CSTPP1: variants seen among roughly 807,000 people sequenced by gnomAD.
The protein encoded by CSTPP1 is UPF0705 protein C11orf49.
chr11:47,083,568 T>C, the CSTPP1 span, among the ~76,000 whole-genome samples: 23 of 152,248 alleles, frequency 1.5e-4, no homozygotes, highest in Non-Finnish European at 2.9e-4. Flanking sequence ...TAACAGTTTA[T>C]GAGGGTTACA....
chr11:46,948,738 C>A, the CSTPP1 span, among the ~76,000 whole-genome samples: 1 of 152,160 alleles, frequency 6.6e-6, no homozygotes, highest in Non-Finnish European at 1.5e-5. Context: ...CCCTTGGGCA[C>A]CTAGACGAAA....
the CSTPP1 span, among the ~76,000 whole-genome samples, chr11:47,040,349 T>C: frequency 1.6e-5 from 2 of 127,364 alleles, 1 homozygote; most frequent in Non-Finnish European, 3.7e-5. Flanking sequence ...TAAGATCATT[T>C]TATGAAGAGC....
chr11:47,118,889 C>A, the CSTPP1 span, among the ~76,000 whole-genome samples: 1 of 152,228 alleles, frequency 6.6e-6, no homozygotes, highest in African/African-American at 2.4e-5. Flanking sequence ...TGGGAGGTGT[C>A]TCCCAATTAG....
chr11:47,111,199 T>C, the CSTPP1 span, among the ~76,000 whole-genome samples: 1 of 151,998 alleles, frequency 6.6e-6, no homozygotes, highest in Admixed American at 6.6e-5. Flanking sequence ...TCCTCAAGAG[T>C]CCTTCACCCA....
At chr11:47,042,343 CTG>C in the CSTPP1 span, among the ~76,000 whole-genome samples, 3 of 118,720 alleles carry the variant, frequency 2.5e-5, no homozygotes, top group African/African-American at 8.3e-5. Flanking sequence ...ACTTTGACTT[CTG>C]TTTTTTTTTT....
chr11:47,163,325 GTCTAACTCTA>G, the CSTPP1 span, among the ~76,000 whole-genome samples: 2 of 152,176 alleles, frequency 1.3e-5, no homozygotes. Context: ...GCTCCAGAGA[GTCTAACTCTA>G]TCAACTTGGG....
chr11:47,163,571 C>T, the CSTPP1 span, among the ~76,000 whole-genome samples: 29 of 152,348 alleles, frequency 1.9e-4, no homozygotes, highest in South Asian at 5.2e-3. Flanking sequence ...TACACACAAA[C>T]ACACACCTTT....
chr11:47,065,895 C>T, the CSTPP1 span, among the ~76,000 whole-genome samples: 1 of 151,466 alleles, frequency 6.6e-6, no homozygotes, highest in African/African-American at 2.4e-5. Flanking sequence ...AGGGACATGC[C>T]ACCACCCCAG....
At chr11:46,997,498 G>A in the CSTPP1 span, among the ~76,000 whole-genome samples, 4 of 152,054 alleles carry the variant, frequency 2.6e-5, no homozygotes, top group Non-Finnish European at 5.9e-5. Context: ...CGATGGATTC[G>A]GACATCCTCC....
At chr11:47,006,193 T>C in the CSTPP1 span, among the ~76,000 whole-genome samples, 3 of 152,320 alleles carry the variant, frequency 2.0e-5, no homozygotes, top group South Asian at 6.2e-4. Context: ...AATTCAAAAC[T>C]ATTAACTAAT....
the CSTPP1 span, among the ~76,000 whole-genome samples, chr11:47,136,973 C>T: frequency 1.3e-5 from 2 of 152,232 alleles, no homozygotes; most frequent in Admixed American, 1.3e-4. Context: ...GAGCCTCATC[C>T]TGGCTCACCT....
At chr11:47,002,562 A>T in the CSTPP1 span, among the ~76,000 whole-genome samples, 2 of 152,142 alleles carry the variant, frequency 1.3e-5, no homozygotes, top group Admixed American at 1.3e-4. Flanking sequence ...TAGAAGTCAG[A>T]GTCAAAGGTT....
At chr11:46,953,130 G>A in the CSTPP1 span, among the ~76,000 whole-genome samples, 4 of 152,076 alleles carry the variant, frequency 2.6e-5, no homozygotes, top group East Asian at 5.8e-4. Flanking sequence ...AAGAAGATAC[G>A]GGCTGCAAGG....
the CSTPP1 span, among the ~76,000 whole-genome samples, chr11:46,993,099 G>A: frequency 6.6e-6 from 1 of 152,136 alleles, no homozygotes; most frequent in African/African-American, 2.4e-5. Context: ...ATTTTTTCTT[G>A]TAAATTTGTT....
At chr11:47,067,711 C>G in the CSTPP1 span, among the ~76,000 whole-genome samples, 1 of 152,210 alleles carries the variant, frequency 6.6e-6, no homozygotes, top group African/African-American at 2.4e-5. Flanking sequence ...GACTTCCAGT[C>G]CCCAGAACTG....
the CSTPP1 span, among the ~76,000 whole-genome samples, chr11:47,057,598 G>A: frequency 3.9e-5 from 6 of 152,156 alleles, no homozygotes; most frequent in African/African-American, 1.4e-4. Context: ...CAACAGTATA[G>A]GGAGAGAGAT....
chr11:47,014,608 C>T, the CSTPP1 span, among the ~76,000 whole-genome samples: 1 of 151,798 alleles, frequency 6.6e-6, no homozygotes, highest in Admixed American at 6.6e-5. Context: ...GAGGCTGAGG[C>T]AGGAGAATCA....
At chr11:46,975,209 C>G in the CSTPP1 span, among the ~76,000 whole-genome samples, 1 of 151,534 alleles carries the variant, frequency 6.6e-6, no homozygotes, top group Non-Finnish European at 1.5e-5. Context: ...CCTGGGAGGT[C>G]AAGGCTGCAG....
chr11:46,985,591 C>A, the CSTPP1 span, among the ~76,000 whole-genome samples: 1 of 152,072 alleles, frequency 6.6e-6, no homozygotes, highest in Non-Finnish European at 1.5e-5. Flanking sequence ...CTCTGTCATA[C>A]CTAAGGATAA....
Sources: allele counts gnomAD v4.1 joint callset (sites outside exome capture counted in the v4.1 genomes callset), GRCh38; gene constraint gnomAD v4.1.1; transcripts MANE v1.5; gene names NCBI Gene and HGNC (gene_info 2026-07-23, HGNC 2026-07-21).